Variants in PXN observed in about 807,000 individuals in gnomAD.
PXN encodes paxillin.
A neutral mutation model predicts 103.6 loss-of-function variants in PXN; 61 were observed. That is an observed-to-expected ratio of 0.59 (90% CI 0.48 to 0.73). PXN has a LOEUF of 0.73. PXN is among the 30% of genes least tolerant of loss of function. The pLI is 0.00. For synonymous variants in PXN, 562 were observed against 607.8 expected, an observed-to-expected ratio of 0.92 and a Z score of 1.11; for missense variants, 1,274 against 1,460.3, an observed-to-expected ratio of 0.87 and a Z score of 2.08.
Position 120,215,795 on chromosome 12 carries a change from T to G in PXN, c.2302-134A>C, listed in dbSNP as rs1594349964. 9.4e-6 allele frequency: 12 copies of G among 1,273,886 alleles called. No homozygotes were observed. In the East Asian group the frequency reaches 3.3e-4, roughly 35 times the overall value. The allele number at this position is 1,273,886 out of a possible 1,614,324, so 78.9% of individuals were successfully genotyped here. On this transcript the variant is annotated intron_variant, in intron 9 of 14. Transcript: ENST00000637617. The surrounding 1 kb of genome is among the most constrained non-coding windows in gnomAD (Gnocchi z 4.9). ...TCTCCCCCACCGGCAGGACCAAAATTGGGGGAAAAAATCTGGAGAAAAAGA... is the reference window on the plus strand; with the variant it reads ...TCTCCCCCACCGGCAGGACCAAAATGGGGGGAAAAAATCTGGAGAAAAAGA...
intron 1 of PXN, among the ~76,000 whole-genome samples, chr12:120,245,446 C>A (rs1276565013): frequency 9.3e-5 from 14 of 151,138 alleles, no homozygotes; most frequent in East Asian, 3.9e-4. Context: ...AAAAAAAAAA[C>A]AAAACAATGT....
At chr12:120,230,580 ACT>A (rs1193214107) in intron 1 of PXN, among the ~76,000 whole-genome samples, 3 of 151,570 alleles carry the variant, frequency 2.0e-5, no homozygotes, top group African/African-American at 7.3e-5. Context: ...CTTTGGTGAG[ACT>A]CTTCCAGATT....
rs750350771 is a variant in PXN at position 120,216,291 on chromosome 12, C to T, written c.2283G>A (p.Pro761=). 3.6e-5 allele frequency: 46 copies of T among 1,278,764 alleles called. No individual in the cohort carries two copies. The highest frequency in any genetic ancestry group is 9.1e-5 in the South Asian group (3 of 33,076). The allele number at this position is 1,278,764 out of a possible 1,614,324, so 79.2% of individuals were successfully genotyped here. ...GGCCTGCCTGCATCGGGGGGAAGAG[C>T]GGGTCCTCATCAGTCTGGCAGCCCA... The part of the protein sequence containing the change: ...RSVGCQTDED[P]LFPPMQIQGL... Residue 761 remains proline, a synonymous_variant, in exon 9 of 15, where the codon CCG becomes CCA. Coordinates refer to ENST00000637617, the MANE Select transcript of PXN (RefSeq NM_001385981.1). The surrounding 1 kb of genome is among the most constrained non-coding windows in gnomAD (Gnocchi z 5.1).
At chr12:120,261,625 C>A (rs1893899820) in intron 1 of PXN, among the ~76,000 whole-genome samples, 1 of 152,100 alleles carries the variant, frequency 6.6e-6, no homozygotes, top group Non-Finnish European at 1.5e-5. Context: ...ATACTCCAAG[C>A]AGGATGACTA....
At chr12:120,238,138 A>G (rs1368940954) in intron 1 of PXN, among the ~76,000 whole-genome samples, 2 of 152,138 alleles carry the variant, frequency 1.3e-5, no homozygotes, top group African/African-American at 4.8e-5. Flanking sequence ...ACCACAATAG[A>G]AAAAAAGGAG....
rs757867300 is a variant in PXN at position 120,222,896 on chromosome 12, C to A, written c.460G>T (p.Ala154Ser). The A allele has an allele frequency of 7.4e-6, 12 of 1,613,772 alleles. No homozygotes were observed. Among genetic ancestry groups the A allele is most frequent in the South Asian group, 1.1e-5 (1 of 91,076 alleles). The change falls in exon 4 of 15, where the codon GCT becomes TCT. Residue 154 changes from alanine to serine, a missense_variant. Transcript: ENST00000637617. The surrounding 1 kb of genome is among the most constrained non-coding windows in gnomAD (Gnocchi z 4.7). ...AAGCCTGGCGGGTTATGCTGTACAGCGTTCAGTTCCAGCAGCAGGCGGTCG... is the reference window on the plus strand; with the variant it reads ...AAGCCTGGCGGGTTATGCTGTACAGAGTTCAGTTCCAGCAGCAGGCGGTCG... ...ELDRLLLELNAVQHNPPGFPA... is the reference protein window; with the variant it reads ...ELDRLLLELNSVQHNPPGFPA...
rs569538924 is a variant in PXN, at chr12:120,221,713, G to A, written c.741C>T (p.Arg247=). ...VNQGEMSSPQ[R]VTSTQQQTRI... ...GTGTCTGCTGTTGGGTGGAGGTGAC[G>A]CGCTGCGGGCTGCTCATCTCGCCCT... The change falls in exon 6 of 15, where the codon CGC becomes CGT. Residue 247 remains arginine, a synonymous_variant. Coordinates refer to ENST00000637617, the MANE Select transcript of PXN (RefSeq NM_001385981.1). This position sits in a 1 kb window ranked among gnomAD's most constrained non-coding sequence, Gnocchi z 6.6. 1.5e-5 allele frequency: 23 copies of A among 1,571,990 alleles called. No homozygotes were observed. In the African/African-American group the frequency reaches 1.6e-4, roughly 11 times the overall value.
chr12:120,252,708 C>G (rs76019166), intron 1 of PXN, among the ~76,000 whole-genome samples: 3,835 of 152,210 alleles, frequency 0.025, 71 homozygotes, highest in Non-Finnish European at 0.036. Flanking sequence ...ATGTAGGCAA[C>G]AGAGAGGGTC....
chr12:120,255,166 G>T (rs1035720457), intron 1 of PXN, among the ~76,000 whole-genome samples: 3 of 152,220 alleles, frequency 2.0e-5, no homozygotes, highest in Non-Finnish European at 4.4e-5. Context: ...TCATGCAGTT[G>T]ATTAACTGAC....
chr12:120,264,062 C>T (rs1319067375), intron 1 of PXN, among the ~76,000 whole-genome samples: 1 of 152,138 alleles, frequency 6.6e-6, no homozygotes, highest in Non-Finnish European at 1.5e-5. Flanking sequence ...CCATGCCAAC[C>T]TTGAGCACAC....
chr12:120,246,541 GAAAAGAAAAAGAA>G (rs1891175618), intron 1 of PXN, among the ~76,000 whole-genome samples: 4 of 136,716 alleles, frequency 2.9e-5, no homozygotes, highest in African/African-American at 1.1e-4. Context: ...AAAGAAAAAA[GAAAAGAAAAAGAA>G]AAAAGAAAAA....
At chr12:120,223,231 C>T (rs1291378217) in intron 3 of PXN, among the ~76,000 whole-genome samples, 1 of 151,606 alleles carries the variant, frequency 6.6e-6, no homozygotes, top group Non-Finnish European at 1.5e-5. Context: ...ATCATGAGGT[C>T]AGGAGATTGA....
At chr12:120,227,119 T>C in intron 1 of PXN, 1 of 986,876 alleles carries the variant, frequency 1.0e-6, no homozygotes, top group Non-Finnish European at 1.2e-6. Context: ...AAGGGCAACC[T>C]TGAAAAGAAA....
At chr12:120,218,623 G>A (rs1027739410) in intron 7 of PXN, among the ~76,000 whole-genome samples, 2 of 152,146 alleles carry the variant, frequency 1.3e-5, no homozygotes, top group South Asian at 2.1e-4. Flanking sequence ...TGATCCGCCC[G>A]CCTCGGCCTC....
Position 120,212,512 on chromosome 12 carries a change from G to A in PXN, c.3048C>T (p.His1016=). ...EHDGQPYCEV[H]YHERRGSLCS... The stretch of plus-strand genomic sequence containing the variant: ...ACAGCGAGCCGCGCCGCTCGTGGTA[G>A]TGCACCTCACAGTAGGGCTGCCCGT... The change falls in exon 15 of 15, where the codon CAC becomes CAT. Residue 1016 remains histidine, a synonymous_variant. Transcript: ENST00000637617. The surrounding 1 kb of genome is among the most constrained non-coding windows in gnomAD (Gnocchi z 7.2). 1 of 1,613,924 alleles carries A rather than the reference G, an allele frequency of 6.2e-7. No homozygotes were observed.
chr12:120,250,409 A>T (rs1341855616), intron 1 of PXN, among the ~76,000 whole-genome samples: 1 of 151,932 alleles, frequency 6.6e-6, no homozygotes, highest in Non-Finnish European at 1.5e-5. Context: ...CAGTCCAGAA[A>T]ACCAACTCTC....
Position 120,222,900 on chromosome 12 carries a change from C to T in PXN, c.456G>A (p.Leu152=). The change falls in exon 4 of 15, where the codon CTG becomes CTA. Residue 152 remains leucine, a synonymous_variant. Coordinates refer to ENST00000637617, the MANE Select transcript of PXN (RefSeq NM_001385981.1). The surrounding 1 kb of genome is among the most constrained non-coding windows in gnomAD (Gnocchi z 4.7). ...CTGGCGGGTTATGCTGTACAGCGTTCAGTTCCAGCAGCAGGCGGTCGAGTT... is the reference window on the plus strand; with the variant it reads ...CTGGCGGGTTATGCTGTACAGCGTTTAGTTCCAGCAGCAGGCGGTCGAGTT... The part of the protein sequence containing the change: ...LSELDRLLLE[L]NAVQHNPPGF... The T allele has an allele frequency of 6.2e-7, 1 of 1,613,928 alleles. No individual in the cohort carries two copies. Among genetic ancestry groups the T allele is most frequent in the Non-Finnish European group, 8.5e-7 (1 of 1,179,862 alleles).
intron 1 of PXN, among the ~76,000 whole-genome samples, chr12:120,249,599 T>C (rs1241660843): frequency 6.6e-6 from 1 of 152,182 alleles, no homozygotes; most frequent in Non-Finnish European, 1.5e-5. Flanking sequence ...TCCTGGTCAC[T>C]GTTCCTGCTG....
rs376847793 is a variant in PXN, at chr12:120,221,680, C to T, written c.774G>A (p.Ser258=). ...VTSTQQQTRI[S]ASSATRELDE... ...CCAGCTCCCTGGTGGCAGAGGAGGC[C>T]GAGATGCGTGTCTGCTGTTGGGTGG... Residue 258 remains serine, a synonymous_variant, in exon 6 of 15, where the codon TCG becomes TCA. Coordinates refer to ENST00000637617, the MANE Select transcript of PXN (RefSeq NM_001385981.1). The surrounding 1 kb of genome is among the most constrained non-coding windows in gnomAD (Gnocchi z 6.6). 3.8e-6 allele frequency: 6 copies of T among 1,565,190 alleles called. No individual in the cohort carries two copies. The highest frequency in any genetic ancestry group is 3.8e-5 in the Admixed American group (2 of 52,384).
Sources: allele counts gnomAD v4.1 joint callset (sites outside exome capture counted in the v4.1 genomes callset), GRCh38; gene constraint gnomAD v4.1.1; non-coding constraint Gnocchi (gnomAD v3.1); transcripts MANE v1.5; gene names NCBI Gene and HGNC (gene_info 2026-07-23, HGNC 2026-07-21).